Variants in TEX14 observed in about 807,000 individuals in gnomAD.
TEX14 encodes inactive serine/threonine-protein kinase TEX14.
TEX14 carries 168 observed loss-of-function variants against 178.6 expected under a neutral mutation model. The ratio of observed to expected loss-of-function variants is 0.94; its 90% CI spans 0.83 to 1.07. TEX14 has a LOEUF of 1.07. TEX14 is among the 50% of genes least tolerant of loss of function. TEX14 has a pLI of 0.00. For missense variants in TEX14, 1,730 were observed against 1,753.6 expected, an observed-to-expected ratio of 0.99 and a Z score of 0.24; for synonymous variants, 626 against 634.1, an observed-to-expected ratio of 0.99 and a Z score of 0.19.
intron 2 of TEX14, among the ~76,000 whole-genome samples, chr17:58,643,859 A>G (rs1249711226): frequency 2.3e-5 from 3 of 130,188 alleles, no homozygotes; most frequent in African/African-American, 8.8e-5. Flanking sequence ...TGGGCAACAG[A>G]GCAAGACTCT....
rs568562297 is a variant in TEX14, at chr17:58,659,226, G to A, written c.-1-7224C>T. 3.5e-4 allele frequency: 69 copies of A among 194,544 alleles called. 1 individual carries two copies. In the South Asian group the frequency reaches 8.5e-3, roughly 24 times the overall value. The allele number at this position is 194,544 out of a possible 1,614,324, so 12.1% of individuals were successfully genotyped here. ...TTTCTCATTCGGGGAAATCGCGGGAGCAAACACATAGTAAAAACCCTCCCC... is the reference window on the plus strand; with the variant it reads ...TTTCTCATTCGGGGAAATCGCGGGAACAAACACATAGTAAAAACCCTCCCC... On this transcript the variant is annotated intron_variant, in intron 1 of 31. Coordinates refer to ENST00000349033, the MANE Select transcript of TEX14 (RefSeq NM_031272.5).
At position 58,624,279 on chromosome 17, in the gene TEX14, C is replaced by T. The variant is rs143372020; in HGVS notation, c.252-1267G>A. On this transcript the variant is annotated intron_variant, in intron 3 of 31. Coordinates refer to ENST00000349033, the MANE Select transcript of TEX14 (RefSeq NM_031272.5). ...CTGCACTCCAGCCTGGGAGACAGAGCGAGACTCTGAATACACTATACAAAC... is the reference window on the plus strand; with the variant it reads ...CTGCACTCCAGCCTGGGAGACAGAGTGAGACTCTGAATACACTATACAAAC... Among the ~76,000 whole-genome samples the T allele has an allele frequency of 1.9e-3, 293 of 151,714 alleles. 3 individuals carry two copies. The highest frequency in any genetic ancestry group is 6.8e-3 in the African/African-American group (283 of 41,414).
intron 1 of TEX14, among the ~76,000 whole-genome samples, chr17:58,662,603 C>T (rs1050531126): frequency 1.4e-4 from 22 of 152,208 alleles, no homozygotes; most frequent in African/African-American, 5.1e-4. Flanking sequence ...CTATTAATCT[C>T]AGATCATGGC....
intron 5 of TEX14, among the ~76,000 whole-genome samples, chr17:58,619,760 C>T (rs1363134114): frequency 2.1e-5 from 3 of 141,602 alleles, no homozygotes; most frequent in Non-Finnish European, 4.5e-5. Context: ...CGAGATTGCA[C>T]GGACTCCTGC....
At chr17:58,643,844 C>T (rs1008440321) in intron 2 of TEX14, among the ~76,000 whole-genome samples, 2 of 131,704 alleles carry the variant, frequency 1.5e-5, no homozygotes, top group African/African-American at 5.8e-5. Context: ...TTCACTCCAC[C>T]AGCCTGGGCA....
intron 1 of TEX14, among the ~76,000 whole-genome samples, chr17:58,688,075 T>C (rs780876102): frequency 2.6e-5 from 4 of 152,318 alleles, no homozygotes; most frequent in Middle Eastern, 6.8e-3. Context: ...AAATAAAATA[T>C]ATAAAAGTAC....
In TEX14 at chr17:58,565,826, T is replaced by C; in HGVS notation, c.3887-2A>G. On this transcript the variant is annotated splice_acceptor_variant, in intron 26 of 31. Transcript: ENST00000349033. LOFTEE classifies it high-confidence loss of function. ...AGCCCTGCTGCTGTTTCAAGAGCTC[T>C]GTCACAACACAAAAGCCAAAGGAAA... 6.2e-7 allele frequency: 1 copy of C among 1,603,250 alleles called. No homozygotes were observed. Among genetic ancestry groups the C allele is most frequent in the Admixed American group, 1.7e-5 (1 of 58,838 alleles).
intron 1 of TEX14, among the ~76,000 whole-genome samples, chr17:58,687,091 A>G (rs1290875286): frequency 6.6e-6 from 1 of 151,972 alleles, no homozygotes; most frequent in African/African-American, 2.4e-5. Context: ...TGGAGGCTCT[A>G]TGATCAAACA....
At position 58,586,737 on chromosome 17, in the gene TEX14, GA is replaced by G. The variant is rs948538157; in HGVS notation, c.2789-656del. Among the ~76,000 whole-genome samples, 188 of 143,558 alleles carry G rather than the reference GA, an allele frequency of 1.3e-3. 1 individual carries two copies. Among genetic ancestry groups the G allele is most frequent in the Middle Eastern group, 3.5e-3 (1 of 282 alleles). 94.2% of individuals were successfully genotyped at this position (143,558 alleles called of 152,430 possible). ...CATTGTTTCATTGTAACTCTGATGA[GA>G]AAAAAAAAAAACAATCAATTCCCAG... On this transcript the variant is annotated intron_variant, in intron 17 of 31. Transcript: ENST00000349033.
intron 1 of TEX14, among the ~76,000 whole-genome samples, chr17:58,690,570 T>C (rs1246663930): frequency 6.6e-6 from 1 of 152,204 alleles, no homozygotes; most frequent in East Asian, 1.9e-4. Flanking sequence ...AATGTGGTAA[T>C]ACCATGTTTT....
intron 4 of TEX14, 77 bp from the exon 5 acceptor site, chr17:58,621,863 T>C (rs981323392): frequency 1.5e-5 from 23 of 1,484,894 alleles, no homozygotes; most frequent in African/African-American, 4.2e-5. Flanking sequence ...TGAAGATAAG[T>C]GGTCCGAGGA....
intron 1 of TEX14, among the ~76,000 whole-genome samples, chr17:58,658,451 GTGA>G (rs1452391061): frequency 1.4e-5 from 2 of 143,822 alleles, no homozygotes; most frequent in African/African-American, 5.2e-5. Context: ...GTACAGTGGT[GTGA>G]TCTCGGCTCA....
At chr17:58,629,450 T>C (rs916552768) in intron 3 of TEX14, among the ~76,000 whole-genome samples, 3 of 136,572 alleles carry the variant, frequency 2.2e-5, no homozygotes, top group African/African-American at 8.3e-5. Flanking sequence ...GCAGACCATG[T>C]GTCAGGAAAA....
At chr17:58,590,538 T>TTGG (rs2045106633) in intron 15 of TEX14, among the ~76,000 whole-genome samples, 1 of 87,472 alleles carries the variant, frequency 1.1e-5, no homozygotes, top group Admixed American at 1.1e-4. Flanking sequence ...ACTATTTTTG[T>TTGG]TGTTGTTGTT....
At chr17:58,574,459 C>T (rs2044626162) in intron 21 of TEX14, among the ~76,000 whole-genome samples, 1 of 151,810 alleles carries the variant, frequency 6.6e-6, no homozygotes, top group South Asian at 2.1e-4. Context: ...GGGTGGGTCA[C>T]GAGGTCAACA....
intron 28 of TEX14, among the ~76,000 whole-genome samples, chr17:58,563,406 T>C (rs1181030662): frequency 6.6e-6 from 1 of 151,878 alleles, no homozygotes; most frequent in African/African-American, 2.4e-5. Context: ...CTGAAACTTG[T>C]GTTTGCCTAA....
At chr17:58,662,246 C>T (rs908145803) in intron 1 of TEX14, among the ~76,000 whole-genome samples, 3 of 151,724 alleles carry the variant, frequency 2.0e-5, no homozygotes, top group East Asian at 3.9e-4. Context: ...GTCAGGAGAC[C>T]GAGACCATCC....
At position 58,622,834 on chromosome 17, in the gene TEX14, G is replaced by A. The variant is rs1192789594; in HGVS notation, c.417+13C>T. 5 of 1,598,866 alleles carry A rather than the reference G, an allele frequency of 3.1e-6. No individual in the cohort carries two copies. Among genetic ancestry groups the A allele is most frequent in the African/African-American group, 1.3e-5 (1 of 74,666 alleles). On this transcript the variant is annotated intron_variant, in intron 4 of 31. Transcript: ENST00000349033. ...TCTAGTGGGCATGGCTACAGAGTGGGACCCACCCTTACCTGGGTGCTACGC... is the reference window on the plus strand; with the variant it reads ...TCTAGTGGGCATGGCTACAGAGTGGAACCCACCCTTACCTGGGTGCTACGC...
At chr17:58,648,503 G>A (rs796255400) in intron 2 of TEX14, among the ~76,000 whole-genome samples, 18 of 152,204 alleles carry the variant, frequency 1.2e-4, no homozygotes, top group African/African-American at 4.3e-4. Flanking sequence ...AGCCTCCTAT[G>A]CTCACCCACC....
Sources: gnomAD v4.1 joint callset for allele counts (sites outside exome capture counted in the v4.1 genomes callset) on GRCh38, gnomAD v4.1.1 for gene constraint, MANE v1.5 for transcripts, NCBI Gene and HGNC (gene_info 2026-07-23, HGNC 2026-07-21) for gene names.